CDH23: variants seen among roughly 807,000 people sequenced by gnomAD.
The protein encoded by CDH23 is cadherin-23.
Under a neutral mutation model 317.1 loss-of-function variants are expected in CDH23, and 189 were observed. The observed-to-expected ratio is 0.60, with a 90% CI of 0.53 to 0.67. CDH23 has a LOEUF of 0.67. CDH23 is among the 30% of genes least tolerant of loss of function. CDH23 has a pLI of 0.00. For missense variants in CDH23, 4,401 were observed against 4,592.4 expected (o/e 0.96, Z 1.20); for synonymous variants, 1,839 against 1,876.8 (o/e 0.98, Z 0.52).
chr10:71,513,590 G>A (rs1854115775), intron 6 of CDH23, among the ~76,000 whole-genome samples: 1 of 152,220 alleles, frequency 6.6e-6, no homozygotes, highest in Non-Finnish European at 1.5e-5. Context: ...AGGGTGATCA[G>A]AGAAATCTCA....
At chr10:71,650,996 A>G (rs1189663581) in intron 14 of CDH23, among the ~76,000 whole-genome samples, 1 of 152,252 alleles carries the variant, frequency 6.6e-6, no homozygotes, top group Non-Finnish European at 1.5e-5. Context: ...TGCTAGGCAC[A>G]TGGCCCTGAG....
intron 38 of CDH23, among the ~76,000 whole-genome samples, chr10:71,760,036 C>CATACAT (rs1840294394): frequency 8.8e-6 from 1 of 113,106 alleles, no homozygotes; most frequent in East Asian, 3.2e-4. Flanking sequence ...TACACACACA[C>CATACAT]ACATATATAC....
At chr10:71,796,998 C>T (rs1299055991) in intron 48 of CDH23, 106 bp from the exon 49 acceptor site, 8 of 709,858 alleles carry the variant, frequency 1.1e-5, no homozygotes, top group East Asian at 2.8e-5. Flanking sequence ...TACTGGGGAC[C>T]GTCATCCTTT....
chr10:71,533,000 G>C (rs894653986), intron 6 of CDH23, among the ~76,000 whole-genome samples: 1 of 152,150 alleles, frequency 6.6e-6, no homozygotes, highest in East Asian at 1.9e-4. Context: ...TCAAAGTGCT[G>C]GGATTACAGG....
intron 6 of CDH23, among the ~76,000 whole-genome samples, chr10:71,538,548 A>G (rs1409335645): frequency 2.0e-5 from 3 of 152,184 alleles, no homozygotes; most frequent in African/African-American, 7.2e-5. Context: ...CATGTCCAAC[A>G]TATTTTTTTT....
intron 3 of CDH23, among the ~76,000 whole-genome samples, chr10:71,500,159 G>A (rs935405696): frequency 1.2e-4 from 18 of 152,200 alleles, no homozygotes; most frequent in African/African-American, 4.1e-4. Context: ...AAGTGTTTGA[G>A]GTGATGGATA....
At chr10:71,414,152 T>A (rs2131928820) in intron 1 of CDH23, among the ~76,000 whole-genome samples, 2 of 152,124 alleles carry the variant, frequency 1.3e-5, no homozygotes, top group Middle Eastern at 3.4e-3. Flanking sequence ...CTTCTTCCTT[T>A]CCAATTTGCA....
chr10:71,741,290 G>A (rs374952167), intron 37 of CDH23, among the ~76,000 whole-genome samples: 1 of 152,284 alleles, frequency 6.6e-6, no homozygotes, highest in African/African-American at 2.4e-5. Context: ...GGCATTGCTG[G>A]GTATCATGCT....
intron 6 of CDH23, among the ~76,000 whole-genome samples, chr10:71,525,093 A>C (rs1391500502): frequency 6.7e-6 from 1 of 148,316 alleles, no homozygotes; most frequent in African/African-American, 2.5e-5. Flanking sequence ...TTTTTAGTAG[A>C]GACTGGGTTT....
intron 25 of CDH23, among the ~76,000 whole-genome samples, chr10:71,705,949 A>G (rs753468175): frequency 6.6e-6 from 1 of 152,166 alleles, no homozygotes; most frequent in South Asian, 2.1e-4. Context: ...TAAGATGGTG[A>G]GGATTTCAGA....
chr10:71,803,517 T>A (rs1841619860), intron 55 of CDH23, 97 bp downstream of exon 55: 2 of 1,154,954 alleles, frequency 1.7e-6, no homozygotes, highest in South Asian at 2.9e-5. Context: ...GTGGGGAAAC[T>A]TGGCTTCAGG....
chr10:71,489,784 A>G (rs1450966965), intron 3 of CDH23, among the ~76,000 whole-genome samples: 1 of 152,174 alleles, frequency 6.6e-6, no homozygotes, highest in African/African-American at 2.4e-5. Flanking sequence ...TTTAAATTAA[A>G]TTCTTCACTT....
chr10:71,790,186 C>T (rs1402105158), intron 45 of CDH23, 102 bp from the exon 46 acceptor site: 8 of 1,487,710 alleles, frequency 5.4e-6, no homozygotes, highest in African/African-American at 1.4e-5. Flanking sequence ...CCTCCCTCCC[C>T]TCTCATCCAT....
At chr10:71,766,369 C>T (rs1372494951) in intron 38 of CDH23, among the ~76,000 whole-genome samples, 10 of 152,150 alleles carry the variant, frequency 6.6e-5, no homozygotes, top group Non-Finnish European at 8.8e-5. Context: ...GCCCGCCACC[C>T]GCCACCTGCC....
At chr10:71,752,828 C>T in intron 38 of CDH23, 1 of 980,138 alleles carries the variant, frequency 1.0e-6, no homozygotes, top group South Asian at 1.8e-5. Flanking sequence ...CCAATCTGCA[C>T]AGATGTGCAG....
chr10:71,573,212 G>T (rs1857940649), intron 8 of CDH23, among the ~76,000 whole-genome samples: 1 of 152,240 alleles, frequency 6.6e-6, no homozygotes, highest in Admixed American at 6.5e-5. Context: ...GCTAGGTTGG[G>T]TTGGGGCTCC....
At chr10:71,405,066 C>A (rs1386610846) in intron 1 of CDH23, among the ~76,000 whole-genome samples, 1 of 152,198 alleles carries the variant, frequency 6.6e-6, no homozygotes, top group Non-Finnish European at 1.5e-5. Context: ...ATTTGTATCA[C>A]TAATTCTGTC....
At chr10:71,626,906 G>T (rs1167164422) in intron 11 of CDH23, among the ~76,000 whole-genome samples, 2 of 152,208 alleles carry the variant, frequency 1.3e-5, no homozygotes, top group Non-Finnish European at 2.9e-5. Context: ...AGAGGGGTTA[G>T]AGGGCCCTTG....
At chr10:71,790,462 G>A in intron 46 of CDH23, 49 bp downstream of exon 46, 1 of 1,599,332 alleles carries the variant, frequency 6.3e-7, no homozygotes, top group Non-Finnish European at 8.5e-7. Context: ...CTGGGGTGGG[G>A]ATGGCCACAC....
Sources: allele counts gnomAD v4.1 joint callset (sites outside exome capture counted in the v4.1 genomes callset), GRCh38; gene constraint gnomAD v4.1.1; transcripts MANE v1.5; gene names NCBI Gene and HGNC (gene_info 2026-07-23, HGNC 2026-07-21).